Variants in POTEC observed in about 807,000 individuals in gnomAD.
The protein encoded by POTEC is ANKRD26-like family B member 2.
A neutral mutation model predicts 62.0 loss-of-function variants in POTEC; 35 were observed. That is an observed-to-expected ratio of 0.56 (90% confidence interval 0.43 to 0.75). The LOEUF (loss-of-function observed/expected upper bound fraction) is 0.75. Among genes scored for constraint, POTEC ranks in the 30% least tolerant of loss-of-function variants. The probability of loss-of-function intolerance (pLI) is 0.00; values close to 1 mark genes in which losing one functional copy is unlikely to be tolerated. For missense variants in POTEC, 472 were observed against 655.9 expected, an observed-to-expected ratio of 0.72 and a Z score of 3.06; for synonymous variants, 156 against 221.5, an observed-to-expected ratio of 0.70 and a Z score of 2.62.
At chr18:14,528,400 G>A (rs1910494511) in intron 6 of POTEC, among the ~76,000 whole-genome samples, 1 of 151,992 alleles carries the variant, frequency 6.6e-6, no homozygotes, top group South Asian at 2.1e-4. Flanking sequence ...TTTATTCTAA[G>A]TTAATCATGT....
chr18:14,536,270 T>A (rs1214195291), intron 3 of POTEC, among the ~76,000 whole-genome samples: 1 of 145,250 alleles, frequency 6.9e-6, no homozygotes, highest in Non-Finnish European at 1.5e-5. Flanking sequence ...AAGGAAAGAT[T>A]TAAAGGAATT....
chr18:14,509,862 T>C lies in POTEC; in HGVS notation c.*2036A>G, dbSNP rs1401789046. 2.8e-5 allele frequency: 4 copies of C among 144,464 alleles called. No individual in the cohort carries two copies. The highest frequency in any genetic ancestry group is 1.1e-4 in the African/African-American group (4 of 38,070). 8.9% of individuals were successfully genotyped at this position (144,464 alleles called of 1,614,324 possible). ...CTCTACACAAACGTGGCCAGACTTC[T>C]TTTTTAAGCAAGTCCCCTTTTTTAC... On this transcript the variant is annotated 3_prime_UTR_variant, in exon 11 of 11. Transcript: ENST00000358970.
Position 14,513,704 on chromosome 18 carries a change from T to C in POTEC, c.1491A>G (p.Lys497=), listed in dbSNP as rs1161574138. ...TTTCAGCCACTTCTATCTGCTTTTG[T>C]TTATTAGTCAGAATCTCATCTTGTG... ...GISQDEILTN[K]QKQIEVAEKK... is the part of the protein sequence containing the mutation. Residue 497 remains lysine (K), a synonymous_variant, in exon 10 of 11, where the codon AAA becomes AAG. Coordinates refer to ENST00000358970, the MANE Select transcript of POTEC (RefSeq NM_001137671.2). 6.2e-7 allele frequency: 1 copy of C among 1,611,602 alleles called. No individual in the cohort carries two copies. The highest frequency in any genetic ancestry group is 8.5e-7 in the Non-Finnish European group (1 of 1,179,800).
At chr18:14,525,319 T>C (rs1265696635) in intron 6 of POTEC, among the ~76,000 whole-genome samples, 2 of 152,062 alleles carry the variant, frequency 1.3e-5, no homozygotes, top group South Asian at 4.1e-4. Context: ...GAAAAGAACA[T>C]TTAGTTTTAA....
At chr18:14,539,037 T>C (rs1905843715) in intron 1 of POTEC, among the ~76,000 whole-genome samples, 1 of 152,134 alleles carries the variant, frequency 6.6e-6, no homozygotes, top group African/African-American at 2.4e-5. Context: ...ATAAGAGGGC[T>C]GAGGTGAAAA....
In POTEC at chr18:14,530,350, A is replaced by G. The variant is rs1905465147; in HGVS notation, c.1126+133T>C. The G allele has an allele frequency of 3.3e-6, 4 of 1,216,882 alleles. No homozygotes were observed. In the African/African-American group the frequency reaches 4.6e-5, roughly 14 times the overall value. The allele number at this position is 1,216,882 out of a possible 1,614,324, so 75.4% of individuals were successfully genotyped here. A position where few individuals can be genotyped will look rare whatever the true frequency, so the allele number is the denominator to read the frequency against. ...TATAAAGTAGCACAATAAATGAAAC[A>G]TGGCTGAATAATCCTGAAACCATCC... On this transcript the variant is annotated intron_variant, in intron 6 of 10. Coordinates refer to ENST00000358970, the MANE Select transcript of POTEC (RefSeq NM_001137671.2).
chr18:14,541,703 CT>C (rs1275843186), intron 1 of POTEC, among the ~76,000 whole-genome samples: 5 of 151,954 alleles, frequency 3.3e-5, no homozygotes, highest in African/African-American at 1.2e-4. Context: ...TACTTTTCTC[CT>C]TTTGTATCTT....
intron 6 of POTEC, among the ~76,000 whole-genome samples, chr18:14,526,503 T>G (rs1288545537): frequency 2.0e-5 from 3 of 152,140 alleles, no homozygotes; most frequent in Non-Finnish European, 4.4e-5. Flanking sequence ...AAATAAAGCC[T>G]GTCAGGGATG....
intron 10 of POTEC, among the ~76,000 whole-genome samples, chr18:14,513,107 A>G (rs1006293778): frequency 3.3e-5 from 5 of 152,148 alleles, no homozygotes; most frequent in Admixed American, 6.5e-5. Flanking sequence ...TTATCACTAA[A>G]TGTGTATCAT....
intron 9 of POTEC, among the ~76,000 whole-genome samples, chr18:14,518,223 T>C (rs539998548): frequency 6.6e-6 from 1 of 151,964 alleles, no homozygotes; most frequent in South Asian, 2.1e-4. Context: ...TAGTGAAAAA[T>C]AAAAACCCTA....
intron 9 of POTEC, among the ~76,000 whole-genome samples, chr18:14,519,703 C>T (rs146093936): frequency 2.6e-5 from 4 of 151,822 alleles, no homozygotes; most frequent in East Asian, 1.9e-4. Flanking sequence ...GGTGACAGAG[C>T]GAAACTCTGT....
chr18:14,537,217 A>C (rs1456313807), intron 3 of POTEC, among the ~76,000 whole-genome samples: 2 of 132,242 alleles, frequency 1.5e-5, no homozygotes, highest in African/African-American at 2.8e-5. Flanking sequence ...ACACAAAAAA[A>C]AAAAAAAACA....
In POTEC at chr18:14,537,963, G is replaced by A. The variant is rs191178152; in HGVS notation, c.648C>T (p.Cys216=). The A allele has an allele frequency of 2.0e-4, 319 of 1,611,934 alleles. 1 individual carries two copies. In the Middle Eastern group the frequency reaches 5.9e-3, roughly 30 times the overall value. The stretch of plus-strand genomic sequence containing the variant: ...ACATTAACACACATTCATCTTCCTG[G>A]CATTGTACGGCCTGTCAGTATTAGA... ...KRTALIKAVQ[C]QEDECVLMLL... Residue 216 remains cysteine, a synonymous_variant, in exon 3 of 11, where the codon TGC becomes TGT. Coordinates refer to ENST00000358970, the MANE Select transcript of POTEC (RefSeq NM_001137671.2).
intron 4 of POTEC, among the ~76,000 whole-genome samples, chr18:14,533,442 CTAATT>C (rs1347884814): frequency 5.9e-5 from 9 of 151,986 alleles, no homozygotes; most frequent in Non-Finnish European, 1.3e-4. Flanking sequence ...GCAGAAGCTA[CTAATT>C]TAAAGTCCTT....
intron 8 of POTEC, among the ~76,000 whole-genome samples, chr18:14,522,645 T>C (rs911995047): frequency 1.3e-5 from 2 of 152,188 alleles, no homozygotes; most frequent in African/African-American, 4.8e-5. Flanking sequence ...TCTTGATTGC[T>C]GTTTGACTGA....
intron 9 of POTEC, among the ~76,000 whole-genome samples, chr18:14,514,595 A>G (rs1014190489): frequency 1.3e-5 from 2 of 152,200 alleles, no homozygotes; most frequent in African/African-American, 4.8e-5. Context: ...AGAACTTTGA[A>G]TTCATTTTAT....
chr18:14,540,029 G>A (rs1449062770), intron 1 of POTEC, among the ~76,000 whole-genome samples: 1 of 152,068 alleles, frequency 6.6e-6, no homozygotes, highest in Non-Finnish European at 1.5e-5. Flanking sequence ...ATACATTTGT[G>A]ATAGTAACGA....
Position 14,537,889 on chromosome 18 carries a change from G to A in POTEC, c.722C>T (p.Thr241Ile), listed in dbSNP as rs759280253. ...DQNIPDEYGN[T>I]TLHYAVHNED... ...ATTGTGGACAGCATAGTGTAGAGTG[G>A]TATTTCCATACTCATCTGGAATATT... The change falls in exon 3 of 11, where the codon ACC becomes ATC. Residue 241 changes from threonine to isoleucine, a missense_variant. Physicochemically the swap from Thr to Ile is moderately conservative, Grantham distance 89 (BLOSUM62 -1). This residue lies in a region of POTEC where 52 missense variants were observed against 54.2 expected (regional missense o/e 0.96). Transcript: ENST00000358970. The A allele has an allele frequency of 1.9e-6, 3 of 1,612,258 alleles. No homozygotes were observed. The highest frequency in any genetic ancestry group is 2.5e-6 in the Non-Finnish European group (3 of 1,179,790).
intron 5 of POTEC, 74 bp downstream of exon 5, chr18:14,532,987 A>G: frequency 1.9e-6 from 3 of 1,599,672 alleles, no homozygotes; most frequent in South Asian, 1.1e-5. Flanking sequence ...CTCACCTGAT[A>G]TGTAAGATGC....
Sources: gnomAD v4.1 joint callset for allele counts (sites outside exome capture counted in the v4.1 genomes callset) on GRCh38, gnomAD v4.1.1 for gene constraint, gnomAD v4.1.1 regional missense constraint, MANE v1.5 for transcripts, NCBI Gene and HGNC (gene_info 2026-07-23, HGNC 2026-07-21) for gene names.